FAAP20: variants seen among roughly 807,000 people sequenced by gnomAD.
The protein encoded by FAAP20 is Fanconi anemia core complex-associated protein 20.
A neutral mutation model predicts 16.2 loss-of-function variants in FAAP20; 12 were observed. That is an observed-to-expected ratio of 0.74 (90% CI 0.48 to 1.20). FAAP20 has a LOEUF of 1.20. Among genes scored for constraint, FAAP20 ranks in the 50% most tolerant of loss-of-function variants. FAAP20 has a pLI of 0.00. For synonymous variants in FAAP20, 141 were observed against 110.7 expected, an observed-to-expected ratio of 1.27 and a Z score of -1.72; for missense variants, 288 against 245.8, an observed-to-expected ratio of 1.17 and a Z score of -1.15.
upstream of FAAP20, chr1:2,197,899 C>A: frequency 8.6e-7 from 1 of 1,167,576 alleles, no homozygotes; most frequent in Non-Finnish European, 1.1e-6. Context: ...CCAATCCCCT[C>A]CCGCCTGACA....
chr1:2,198,924 G>A (rs1016881633), upstream of FAAP20: 3 of 1,289,764 alleles, frequency 2.3e-6, no homozygotes, highest in Non-Finnish European at 2.0e-6. Flanking sequence ...GGCTGTGAGA[G>A]ACAGTTGCCT....
chr1:2,202,880 G>A (rs1359513418), upstream of FAAP20, among the ~76,000 whole-genome samples: 1 of 152,164 alleles, frequency 6.6e-6, no homozygotes, highest in Non-Finnish European at 1.5e-5. Context: ...GCCTCCCAAA[G>A]TGCCATATAC....
downstream of FAAP20, chr1:2,185,343 A>G (rs902156035): frequency 2.8e-6 from 2 of 718,724 alleles, no homozygotes; most frequent in African/African-American, 3.5e-5. Context: ...CTGCTCCGCC[A>G]GGAAAGTGAG....
upstream of FAAP20, chr1:2,198,231 AC>A: frequency 4.2e-6 from 5 of 1,199,426 alleles, no homozygotes; most frequent in South Asian, 6.9e-5. Flanking sequence ...TTACAAAAGA[AC>A]GTTTCAGCTG....
intron 3 of FAAP20, chr1:2,193,146 G>A: frequency 2.1e-6 from 1 of 478,792 alleles, no homozygotes; most frequent in South Asian, 2.1e-5. Context: ...CACAAGGCCA[G>A]GCACTGGGCA....
At chr1:2,206,821 A>G (rs1689275384) in intron 1 of FAAP20, among the ~76,000 whole-genome samples, 1 of 140,854 alleles carries the variant, frequency 7.1e-6, no homozygotes, top group Non-Finnish European at 1.5e-5. Flanking sequence ...CAACGGAGCG[A>G]GACTGTCTCA....
At chr1:2,193,276 C>A (rs2100680625) in intron 3 of FAAP20, 1 of 428,412 alleles carries the variant, frequency 2.3e-6, no homozygotes, top group Non-Finnish European at 4.2e-6. Context: ...AGACGATCTT[C>A]ATTTTTAAAA....
upstream of FAAP20, among the ~76,000 whole-genome samples, chr1:2,202,158 C>A (rs1384135534): frequency 1.3e-5 from 2 of 152,216 alleles, no homozygotes; most frequent in African/African-American, 4.8e-5. Flanking sequence ...CTCCAGGAGG[C>A]CCCTGTGCAG....
downstream of FAAP20, chr1:2,207,868 C>T (rs2503713): frequency 0.76 from 115,258 of 152,172 alleles, 44,712 homozygotes; most frequent in East Asian, 0.95. Flanking sequence ...GGCCTTGGGT[C>T]GAGGCCTCAG....
chr1:2,185,585 A>T (rs1247582984), downstream of FAAP20: 19 of 700,056 alleles, frequency 2.7e-5, no homozygotes, highest in Non-Finnish European at 2.7e-5. Context: ...CTTCCTGCAG[A>T]GTGTGTCCCA....
chr1:2,193,040 G>A (rs1280892534), intron 3 of FAAP20: 10 of 1,288,964 alleles, frequency 7.8e-6, no homozygotes, highest in Admixed American at 4.6e-5. Flanking sequence ...GAAACCTGCC[G>A]CCCATTAACT....
At position 2,199,905 on chromosome 1, in the gene FAAP20, C is replaced by A. The variant is rs1381953370; in HGVS notation, n.3G>T. ...CCAGCCTGGCCAACATAGTGAAACC[C>A]CGTCTCTACTAAAAAACACAAAAAT... On this transcript the variant is annotated non_coding_transcript_exon_variant, in exon 1 of 4. Transcript: ENST00000401813. This position sits in a 1 kb window ranked among gnomAD's most constrained non-coding sequence, Gnocchi z 4.5. The A allele has an allele frequency of 6.6e-6, 1 of 152,512 alleles. No homozygotes were observed. The highest frequency in any genetic ancestry group is 6.6e-5 in the Admixed American group (1 of 15,190). 9.4% of individuals were successfully genotyped at this position (152,512 alleles called of 1,614,324 possible).
At chr1:2,188,334 G>A (rs1485870560), downstream of FAAP20, among the ~76,000 whole-genome samples, 1 of 152,180 alleles carries the variant, frequency 6.6e-6, no homozygotes, top group Non-Finnish European at 1.5e-5. Context: ...CAGAAACTCC[G>A]GATTTCAGGA....
chr1:2,185,107 C>T (rs936103994), downstream of FAAP20: 11 of 1,200,474 alleles, frequency 9.2e-6, no homozygotes, highest in South Asian at 2.7e-5. Flanking sequence ...GCTCCGAGGG[C>T]GGCCAGGGAC....
chr1:2,185,482 C>G (rs548399305), downstream of FAAP20: 1 of 718,222 alleles, frequency 1.4e-6, no homozygotes, highest in Non-Finnish European at 2.6e-6. Context: ...TAGGAGCCAG[C>G]GGGACACAGG....
upstream of FAAP20, among the ~76,000 whole-genome samples, chr1:2,202,433 G>A (rs772007895): frequency 6.6e-5 from 10 of 152,100 alleles, no homozygotes; most frequent in East Asian, 9.7e-4. Context: ...CCACCTCCTC[G>A]GTTCAAGCAA....
chr1:2,194,772 T>G lies in FAAP20; in HGVS notation c.-23A>C, dbSNP rs1688718463. ...CATCCAAGCCCGCGCCGGGCGGAAGTGAGCGCAAGCCCCGCCCCCGCCCCT... is the reference window on the plus strand; with the variant it reads ...CATCCAAGCCCGCGCCGGGCGGAAGGGAGCGCAAGCCCCGCCCCCGCCCCT... On this transcript the variant is annotated 5_prime_UTR_variant, in exon 1 of 4. Coordinates refer to ENST00000378546, the MANE Select transcript of FAAP20 (RefSeq NM_182533.4). 2 of 1,168,490 alleles carry G rather than the reference T, an allele frequency of 1.7e-6. No homozygotes were observed. Among genetic ancestry groups the G allele is most frequent in the East Asian group, 7.7e-5 (2 of 25,936 alleles). The allele number at this position is 1,168,490 out of a possible 1,614,324, so 72.4% of individuals were successfully genotyped here. A position where few individuals can be genotyped will look rare whatever the true frequency, so the allele number is the denominator to read the frequency against.
intron 3 of FAAP20, among the ~76,000 whole-genome samples, chr1:2,205,086 C>T (rs1689198203): frequency 3.6e-5 from 2 of 55,768 alleles, no homozygotes; most frequent in South Asian, 9.1e-4. Context: ...CCCCGGGCTC[C>T]CCCACGCCCC....
At chr1:2,185,714 C>T (rs1687488816), downstream of FAAP20, among the ~76,000 whole-genome samples, 1 of 152,114 alleles carries the variant, frequency 6.6e-6, no homozygotes, top group African/African-American at 2.4e-5. Context: ...CACCAAAGCA[C>T]AGTAGACCAA....
Sources: allele counts gnomAD v4.1 joint callset (sites outside exome capture counted in the v4.1 genomes callset), GRCh38; gene constraint gnomAD v4.1.1; non-coding constraint Gnocchi (gnomAD v3.1); transcripts MANE v1.5; gene names NCBI Gene and HGNC (gene_info 2026-07-23, HGNC 2026-07-21).